The following ZCCHC14 variants were observed in gnomAD, a reference collection of about 807,000 sequenced individuals.
The protein encoded by ZCCHC14 is zinc finger CCHC domain-containing protein 14.
Under a neutral mutation model 85.0 loss-of-function variants are expected in ZCCHC14, and 16 were observed. The ratio of observed to expected loss-of-function variants is 0.19; its 90% CI spans 0.13 to 0.29. The LOEUF (loss-of-function observed/expected upper bound fraction) is 0.29, where lower values mean the gene tolerates loss of function less well. Ranked by LOEUF, ZCCHC14 falls within the 10% of genes least tolerant of loss-of-function variation. ZCCHC14 has a pLI of 1.00. For synonymous variants in ZCCHC14, 775 were observed against 630.7 expected (o/e 1.23, Z -3.43); for missense variants, 1,303 against 1,443.5 (o/e 0.90, Z 1.58).
chr16:87,437,839 C>T (rs980849410), intron 2 of ZCCHC14, among the ~76,000 whole-genome samples: 2 of 152,192 alleles, frequency 1.3e-5, no homozygotes, highest in Admixed American at 1.3e-4. Flanking sequence ...AGTACTCTAA[C>T]GTAGCAACTG....
chr16:87,447,127 C>T (rs1437491130), intron 2 of ZCCHC14, among the ~76,000 whole-genome samples: 4 of 152,140 alleles, frequency 2.6e-5, no homozygotes, highest in South Asian at 2.1e-4. Context: ...AAAGACACTC[C>T]GGCAAAGCTC....
rs1908688551 is a variant in ZCCHC14 at position 87,414,665 on chromosome 16, G to C, written c.1476-124C>G. The stretch of plus-strand genomic sequence containing the variant: ...TTGATACAGGGCGACTTCGAGATGG[G>C]TCTACTCCACACCACAGGGAAATTC... On this transcript the variant is annotated intron_variant, in intron 9 of 12. Coordinates refer to ENST00000671377, the MANE Select transcript of ZCCHC14 (RefSeq NM_015144.3). 4.5e-6 allele frequency: 6 copies of C among 1,332,674 alleles called. No homozygotes were observed. In the South Asian group the frequency reaches 8.9e-5, roughly 20 times the overall value. The allele number at this position is 1,332,674 out of a possible 1,614,324, so 82.6% of individuals were successfully genotyped here.
In ZCCHC14 at chr16:87,411,914, G is replaced by A. The variant is rs764573624; in HGVS notation, c.2807C>T (p.Ser936Leu). ...TSCGCSGSCGSSGLTVSYANY... is the reference protein window; with the variant it reads ...TSCGCSGSCGLSGLTVSYANY... Reference sequence around the variant, plus strand: ...GGCGTAGCTGACAGTCAGGCCACTCGAGCCGCAGCTGCCGCTGCAGCCACA... The same window carrying A: ...GGCGTAGCTGACAGTCAGGCCACTCAAGCCGCAGCTGCCGCTGCAGCCACA... Residue 936 changes from serine (S) to leucine (L), a missense_variant, in exon 12 of 13, where the codon TCG becomes TTG. By Grantham distance (145) the Ser-to-Leu change is moderately radical (BLOSUM62 -2). Around this residue, in one of 7 missense-constraint regions of ZCCHC14, gnomAD observed 797 missense variants for 730.8 expected, o/e 1.09. Coordinates refer to ENST00000671377, the MANE Select transcript of ZCCHC14 (RefSeq NM_015144.3). 1.3e-5 allele frequency: 21 copies of A among 1,597,014 alleles called. No homozygotes were observed. Among genetic ancestry groups the A allele is most frequent in the African/African-American group, 2.7e-5 (2 of 74,708 alleles).
At chr16:87,446,743 G>A (rs891252036) in intron 2 of ZCCHC14, among the ~76,000 whole-genome samples, 3 of 151,926 alleles carry the variant, frequency 2.0e-5, no homozygotes, top group Non-Finnish European at 2.9e-5. Flanking sequence ...AGGCTGGAGT[G>A]CAGTGACGCG....
intron 1 of ZCCHC14, among the ~76,000 whole-genome samples, chr16:87,490,904 C>T (rs1187651541): frequency 2.0e-5 from 3 of 152,258 alleles, no homozygotes; most frequent in African/African-American, 7.2e-5. Flanking sequence ...CCATGTCCCG[C>T]GCCCAGGCCC....
At position 87,413,156 on chromosome 16, in the gene ZCCHC14, G is replaced by A; in HGVS notation, c.1643C>T (p.Pro548Leu). 6.2e-7 allele frequency: 1 copy of A among 1,601,980 alleles called. No individual in the cohort carries two copies. The highest frequency in any genetic ancestry group is 8.5e-7 in the Non-Finnish European group (1 of 1,174,540). The change falls in exon 11 of 13, where the codon CCC becomes CTC. Residue 548 changes from proline (P) to leucine (L), a missense_variant. Physicochemically the swap from Pro to Leu is moderately conservative, Grantham distance 98 (BLOSUM62 -3). Coordinates refer to ENST00000671377, the MANE Select transcript of ZCCHC14 (RefSeq NM_015144.3). ...VEVEQPHHQL[P>L]REGSSSEYSS... is the part of the protein sequence containing the mutation. ...GTACTCCGAGGAACTGCCTTCCCGGGGCAGCTGGTGATGGGGCTGCTCCAC... is the reference window on the plus strand; with the variant it reads ...GTACTCCGAGGAACTGCCTTCCCGGAGCAGCTGGTGATGGGGCTGCTCCAC...
chr16:87,453,206 G>A (rs988389411), intron 2 of ZCCHC14, among the ~76,000 whole-genome samples: 5 of 152,242 alleles, frequency 3.3e-5, no homozygotes, highest in African/African-American at 4.8e-5. Context: ...CGCAGAGCCC[G>A]ACTAGGGGCA....
At chr16:87,455,318 A>G (rs1910905441) in intron 2 of ZCCHC14, among the ~76,000 whole-genome samples, 1 of 151,552 alleles carries the variant, frequency 6.6e-6, no homozygotes, top group Admixed American at 6.6e-5. Context: ...AAATACTGGA[A>G]AGTGAACGAC....
At position 87,460,149 on chromosome 16, in the gene ZCCHC14, G is replaced by T; in HGVS notation, c.571-18C>A. On this transcript the variant is annotated intron_variant, in intron 1 of 12. Transcript: ENST00000671377. ...GGAGTGATCTGAGGGAACAGAAACA[G>T]AATCATCTTATTTTCTCCCACGGAG... The T allele has an allele frequency of 3.1e-6, 5 of 1,612,196 alleles. No individual in the cohort carries two copies. Among genetic ancestry groups the T allele is most frequent in the Non-Finnish European group, 4.2e-6 (5 of 1,179,098 alleles).
chr16:87,461,949 TA>T (rs1416832991), intron 1 of ZCCHC14, among the ~76,000 whole-genome samples: 1 of 152,166 alleles, frequency 6.6e-6, no homozygotes, highest in Non-Finnish European at 1.5e-5. Flanking sequence ...GTCACAGGGC[TA>T]CATAATTGGG....
chr16:87,492,428 G>A lies in ZCCHC14; in HGVS notation c.-190C>T, dbSNP rs1912812522. On this transcript the variant is annotated 5_prime_UTR_variant, in exon 1 of 13. Coordinates refer to ENST00000671377, the MANE Select transcript of ZCCHC14 (RefSeq NM_015144.3). This position sits in a 1 kb window ranked among gnomAD's most constrained non-coding sequence, Gnocchi z 6.7. Reference sequence around the variant, plus strand: ...GGGGGCGGGGACCGGGGCCGGGCAAGGCTCCCGTCAGGGGCCGGCGGGCGG... The same window carrying A: ...GGGGGCGGGGACCGGGGCCGGGCAAAGCTCCCGTCAGGGGCCGGCGGGCGG... 1 of 145,140 alleles carries A rather than the reference G, an allele frequency of 6.9e-6. No individual in the cohort carries two copies. The highest frequency in any genetic ancestry group is 1.5e-5 in the Non-Finnish European group (1 of 65,526). The allele number at this position is 145,140 out of a possible 1,614,324, so 9.0% of individuals were successfully genotyped here.
intron 2 of ZCCHC14, among the ~76,000 whole-genome samples, chr16:87,449,190 A>G (rs1042952859): frequency 2.0e-5 from 3 of 152,196 alleles, no homozygotes; most frequent in Non-Finnish European, 4.4e-5. Flanking sequence ...TGGCTGTTAC[A>G]CAGCTGTAGC....
intron 2 of ZCCHC14, among the ~76,000 whole-genome samples, chr16:87,445,409 G>A (rs984174373): frequency 3.3e-5 from 5 of 152,152 alleles, no homozygotes; most frequent in Non-Finnish European, 4.4e-5. Context: ...CCCTCAGTGT[G>A]TACCATCAGA....
chr16:87,479,551 G>A (rs117877974), intron 1 of ZCCHC14, among the ~76,000 whole-genome samples: 2,544 of 152,230 alleles, frequency 0.017, 27 homozygotes, highest in Middle Eastern at 0.048. Context: ...TGATGTCACT[G>A]TTGAAAGTAT....
intron 1 of ZCCHC14, among the ~76,000 whole-genome samples, chr16:87,481,558 T>G (rs80004676): frequency 0.92 from 9,840 of 10,642 alleles, 4,534 homozygotes; most frequent in East Asian, 0.96. Context: ...GGGGGAAGGG[T>G]AAGCGGGAGG....
intron 3 of ZCCHC14, among the ~76,000 whole-genome samples, chr16:87,425,591 G>T (rs1381579493): frequency 2.6e-5 from 4 of 151,340 alleles, no homozygotes; most frequent in Admixed American, 1.3e-4. Context: ...AAAAAAGAAA[G>T]AAAGAAAGAA....
intron 1 of ZCCHC14, among the ~76,000 whole-genome samples, chr16:87,477,602 C>G (rs1912078704): frequency 6.6e-6 from 1 of 152,230 alleles, no homozygotes; most frequent in African/African-American, 2.4e-5. Flanking sequence ...CTAATGTCGT[C>G]TTTGTCAAAT....
In ZCCHC14 at chr16:87,418,851, C is replaced by T; in HGVS notation, c.1096G>A (p.Gly366Arg). ...GTTACATAGAAGATTTCTCACCTTC[C>T]AGACACGCCCATCACGGTACCTACT... is the stretch of plus-strand genomic sequence containing the variant. ...SKVGTVMGVS[G>R]RPVCGVAGIP... Residue 366 changes from glycine (G) to arginine (R), a missense_variant, in exon 7 of 13, where the codon GGA (glycine) becomes AGA (arginine). By Grantham distance (125) the Gly-to-Arg change is moderately radical. This residue lies in a region of ZCCHC14 where 389 missense variants were observed against 397.8 expected (regional missense o/e 0.98). Coordinates refer to ENST00000671377, the MANE Select transcript of ZCCHC14 (RefSeq NM_015144.3). 1 of 1,613,342 alleles carries T rather than the reference C, an allele frequency of 6.2e-7. No individual in the cohort carries two copies.
intron 1 of ZCCHC14, among the ~76,000 whole-genome samples, chr16:87,481,748 G>A (rs1250490439): frequency 6.6e-6 from 1 of 152,168 alleles, no homozygotes; most frequent in African/African-American, 2.4e-5. Context: ...TGGGCCTCTG[G>A]CTGGAAGGGA....
Sources: gnomAD v4.1 joint callset for allele counts (sites outside exome capture counted in the v4.1 genomes callset) on GRCh38, gnomAD v4.1.1 for gene constraint, gnomAD v4.1.1 regional missense constraint, Gnocchi (gnomAD v3.1) non-coding constraint, MANE v1.5 for transcripts, NCBI Gene and HGNC (gene_info 2026-07-23, HGNC 2026-07-21) for gene names.